Variants in ARHGEF10 observed in about 807,000 individuals in gnomAD.
ARHGEF10 encodes Rho guanine nucleotide exchange factor (GEF) 10.
In ARHGEF10, 140 loss-of-function variants were observed where a neutral mutation model predicts 147.4. That is an observed-to-expected ratio of 0.95 (90% confidence interval 0.83 to 1.09). The LOEUF (loss-of-function observed/expected upper bound fraction) is 1.09. Ranked by LOEUF, ARHGEF10 falls within the 50% of genes least tolerant of loss-of-function variation. The pLI is 0.00. For missense variants in ARHGEF10, 2,222 were observed against 1,752.7 expected (o/e 1.27, Z -4.78); for synonymous variants, 902 against 695.8 (o/e 1.30, Z -4.67).
chr8:1,844,462 G>GGGTCCCCGGGGCCT (rs1563165708), intron 2 of ARHGEF10, among the ~76,000 whole-genome samples: 1 of 152,218 alleles, frequency 6.6e-6, no homozygotes, highest in Admixed American at 6.5e-5. Context: ...GAGAATCCAG[G>GGGTCCCCGGGGCCT]GGTGAGCAGT....
chr8:1,892,762 C>G (rs567846768), intron 11 of ARHGEF10, among the ~76,000 whole-genome samples: 1 of 151,908 alleles, frequency 6.6e-6, no homozygotes, highest in African/African-American at 2.4e-5. Context: ...TGCGGGAGTG[C>G]GCATGCTGGT....
At chr8:1,838,295 T>C (rs1368110272) in intron 1 of ARHGEF10, among the ~76,000 whole-genome samples, 1 of 152,222 alleles carries the variant, frequency 6.6e-6, no homozygotes, top group Non-Finnish European at 1.5e-5. Flanking sequence ...GACTCATAGC[T>C]GTATTGGAGC....
At chr8:1,894,250 T>C (rs1418157095) in intron 12 of ARHGEF10, 143 bp from the exon 13 acceptor site, 6 of 764,144 alleles carry the variant, frequency 7.9e-6, no homozygotes, top group Admixed American at 2.2e-5. Flanking sequence ...CTTGGGAGGC[T>C]GAGGTGGGAG....
intron 11 of ARHGEF10, among the ~76,000 whole-genome samples, chr8:1,891,259 G>A (rs1809500944): frequency 6.6e-6 from 1 of 152,122 alleles, no homozygotes; most frequent in East Asian, 1.9e-4. Flanking sequence ...TTTTCCTCCT[G>A]CCAAATGTGT....
At chr8:1,856,814 A>G (rs575348643) in intron 2 of ARHGEF10, among the ~76,000 whole-genome samples, 2 of 152,314 alleles carry the variant, frequency 1.3e-5, no homozygotes, top group African/African-American at 4.8e-5. Context: ...GCATGGCAGC[A>G]GGAGGTTTCC....
chr8:1,952,912 T>G (rs1402453138), intron 28 of ARHGEF10, 85 bp downstream of exon 28: 9 of 1,569,628 alleles, frequency 5.7e-6, no homozygotes, highest in Non-Finnish European at 7.0e-6. Flanking sequence ...TTTAACATCC[T>G]AGGATTCTTT....
rs754921630 is a variant in ARHGEF10, at chr8:1,914,729, CGT to C, written c.2143+5271_2143+5272del. ...CTGAACGTTGTACTGTAAAACAGCA[CGT>C]GTGTGTGTGTGGGAGATGAGGCCAG... On this transcript the variant is annotated intron_variant, in intron 18 of 28. Coordinates refer to ENST00000349830, the MANE Select transcript of ARHGEF10 (RefSeq NM_014629.4). Among the ~76,000 whole-genome samples the C allele has an allele frequency of 1.7e-3, 264 of 152,038 alleles. 1 individual carries two copies. Among genetic ancestry groups the C allele is most frequent in the African/African-American group, 6.2e-3 (258 of 41,486 alleles).
At chr8:1,881,498 A>G (rs1035998204) in intron 9 of ARHGEF10, among the ~76,000 whole-genome samples, 5 of 152,154 alleles carry the variant, frequency 3.3e-5, no homozygotes, top group Non-Finnish European at 5.9e-5. Context: ...ACATGGGTGC[A>G]GGGGCCAAGG....
At chr8:1,888,832 C>T (rs201735016) in intron 11 of ARHGEF10, among the ~76,000 whole-genome samples, 5,265 of 52,932 alleles carry the variant, frequency 0.099, 1,180 homozygotes, top group South Asian at 0.13. Context: ...TATGAGGAGA[C>T]ACTGAATAGG....
At position 1,954,880 on chromosome 8, in the gene ARHGEF10, A is replaced by G. The variant is rs562755353; in HGVS notation, c.3521-1869A>G. Among the ~76,000 whole-genome samples, 25 of 152,358 alleles carry G rather than the reference A, an allele frequency of 1.6e-4. 1 individual carries two copies. The South Asian group carries it at 4.1e-3, about 25-fold the overall frequency. ...GTCAGTCCCTGCTGGTGCCACAGCT[A>G]TAGTGCTTTCCTCTCCCTGCCTGCA... On this transcript the variant is annotated intron_variant, in intron 28 of 28. Coordinates refer to ENST00000349830, the MANE Select transcript of ARHGEF10 (RefSeq NM_014629.4).
intron 16 of ARHGEF10, among the ~76,000 whole-genome samples, chr8:1,904,983 G>T (rs1489570054): frequency 1.1e-4 from 16 of 152,246 alleles, no homozygotes; most frequent in Non-Finnish European, 1.5e-5. Context: ...AAACAAATTA[G>T]CTGGGTGTGG....
intron 27 of ARHGEF10, among the ~76,000 whole-genome samples, chr8:1,951,814 T>C (rs775733979): frequency 2.6e-5 from 4 of 151,946 alleles, no homozygotes; most frequent in Non-Finnish European, 5.9e-5. Flanking sequence ...GGTGGAATGA[T>C]GTGACAGTCC....
chr8:1,871,661 T>C (rs1585335854), intron 7 of ARHGEF10, among the ~76,000 whole-genome samples: 1 of 151,942 alleles, frequency 6.6e-6, no homozygotes, highest in East Asian at 1.9e-4. Context: ...CTACTAAAAG[T>C]ACAAAAATTA....
Position 1,893,358 on chromosome 8 carries a change from G to A in ARHGEF10, c.1183-211G>A, listed in dbSNP as rs116755914. On this transcript the variant is annotated intron_variant, in intron 11 of 28. Transcript: ENST00000349830. ...TTTTTTTGTCCCAGCTGTAGTTATA[G>A]TTCATAGTTTGAGGTTTAAGACATT... Among the ~76,000 whole-genome samples, 823 of 152,228 alleles carry A rather than the reference G, an allele frequency of 5.4e-3. 16 individuals carry two copies. The highest frequency in any genetic ancestry group is 0.018 in the African/African-American group (764 of 41,524).
intron 25 of ARHGEF10, among the ~76,000 whole-genome samples, chr8:1,932,280 T>C (rs943809669): frequency 1.3e-5 from 2 of 152,154 alleles, no homozygotes; most frequent in African/African-American, 4.8e-5. Context: ...GGGTGTGCAT[T>C]GTGTGAGCAG....
At chr8:1,907,222 G>T (rs947259414) in intron 17 of ARHGEF10, among the ~76,000 whole-genome samples, 17 of 152,142 alleles carry the variant, frequency 1.1e-4, no homozygotes, top group African/African-American at 3.9e-4. Flanking sequence ...GAGACTAAAG[G>T]TGTTTATCAC....
intron 1 of ARHGEF10, 82 bp from the exon 2 acceptor site, chr8:1,843,271 G>C: frequency 9.5e-7 from 1 of 1,054,846 alleles, no homozygotes; most frequent in Non-Finnish European, 1.4e-6. Flanking sequence ...TTTTTGCGGG[G>C]TTCTCTGTCG....
At chr8:1,951,409 G>A (rs1301060665) in intron 27 of ARHGEF10, among the ~76,000 whole-genome samples, 1 of 152,212 alleles carries the variant, frequency 6.6e-6, no homozygotes, top group East Asian at 1.9e-4. Context: ...CCAACATTCA[G>A]AATTCCTGGG....
In ARHGEF10 at chr8:1,878,679, GC is replaced by G. The variant is rs556691215; in HGVS notation, c.844-1367del. ...TTCATGGTGGGCTGTGGACAGAGGG[GC>G]CAGGCCACTGAGGAGCCGAGAGGCA... On this transcript the variant is annotated intron_variant, in intron 8 of 28. Coordinates refer to ENST00000349830, the MANE Select transcript of ARHGEF10 (RefSeq NM_014629.4). Among the ~76,000 whole-genome samples, 348 of 152,282 alleles carry G rather than the reference GC, an allele frequency of 2.3e-3. 2 individuals carry two copies. The highest frequency in any genetic ancestry group is 5.9e-3 in the Admixed American group (90 of 15,302).
Sources: allele counts gnomAD v4.1 joint callset (sites outside exome capture counted in the v4.1 genomes callset), GRCh38; gene constraint gnomAD v4.1.1; transcripts MANE v1.5; gene names NCBI Gene and HGNC (gene_info 2026-07-23, HGNC 2026-07-21).